PARP8: variants seen among roughly 807,000 people sequenced by gnomAD.
The protein encoded by PARP8 is protein mono-ADP-ribosyltransferase PARP8.
In PARP8, 51 loss-of-function variants were observed where a neutral mutation model predicts 124.1. The observed-to-expected ratio is 0.41, with a 90% CI of 0.33 to 0.52. The LOEUF (loss-of-function observed/expected upper bound fraction) is 0.52. PARP8 is among the 20% of genes least tolerant of loss of function. The pLI, the probability that PARP8 is intolerant of heterozygous loss-of-function variation, is 0.21. For synonymous variants in PARP8, 391 were observed against 361.5 expected, an observed-to-expected ratio of 1.08 and a Z score of -0.93; for missense variants, 860 against 1,018.9, an observed-to-expected ratio of 0.84 and a Z score of 2.12.
chr5:50,756,463 A>G (rs1239947408), intron 3 of PARP8, among the ~76,000 whole-genome samples: 4 of 152,144 alleles, frequency 2.6e-5, no homozygotes, highest in African/African-American at 7.2e-5. Context: ...AGGAAGATTT[A>G]GAAGTAATTA....
intron 3 of PARP8, among the ~76,000 whole-genome samples, chr5:50,758,081 A>C (rs182419326): frequency 6.6e-6 from 1 of 152,158 alleles, no homozygotes; most frequent in Non-Finnish European, 1.5e-5. Context: ...ATAAAAAAAC[A>C]TTGACTCTAA....
intron 10 of PARP8, among the ~76,000 whole-genome samples, chr5:50,791,868 C>G (rs180997407): frequency 6.6e-6 from 1 of 151,994 alleles, no homozygotes; most frequent in Admixed American, 6.6e-5. Context: ...CTTAAAAGTG[C>G]GAATCAAAAT....
intron 10 of PARP8, among the ~76,000 whole-genome samples, chr5:50,792,479 G>GT (rs35302971): frequency 0.17 from 24,651 of 147,150 alleles, 2,337 homozygotes; most frequent in East Asian, 0.31. Flanking sequence ...ATTTTGACCT[G>GT]TTTTTTTTTT....
At chr5:50,751,398 A>G (rs941088354) in intron 3 of PARP8, among the ~76,000 whole-genome samples, 1 of 152,182 alleles carries the variant, frequency 6.6e-6, no homozygotes, top group Non-Finnish European at 1.5e-5. Flanking sequence ...TGAATTTTCA[A>G]TATAACTTAA....
Position 50,797,697 on chromosome 5 carries a change from A to G in PARP8, c.1575+464A>G, listed in dbSNP as rs1297639454. On this transcript the variant is annotated intron_variant, in intron 14 of 25. Transcript: ENST00000281631. ...CCCAATAAAGATTTCCAAAGATGCT[A>G]GCATCCTGACACATTTGGGATATTA... Among the ~76,000 whole-genome samples the G allele has an allele frequency of 5.9e-5, 9 of 152,340 alleles. No homozygotes were observed. The South Asian group carries it at 6.2e-4, about 11-fold the overall frequency.
Position 50,795,124 on chromosome 5 carries a change from C to T in PARP8, c.1135C>T (p.Leu379=), listed in dbSNP as rs568432561. ...AAVKSEECLT[L]KSHRLLTRSC... ...TGTTAAGTCAGAGGAATGCCTAACT[C>T]TAAAGTCGCATAGACTATTGACTCG... The change falls in exon 12 of 26, where the codon CTA becomes TTA. Residue 379 remains leucine, a synonymous_variant. Coordinates refer to ENST00000281631, the MANE Select transcript of PARP8 (RefSeq NM_024615.4). 1 of 1,614,168 alleles carries T rather than the reference C, an allele frequency of 6.2e-7. No individual in the cohort carries two copies. Among genetic ancestry groups the T allele is most frequent in the African/African-American group, 1.3e-5 (1 of 75,028 alleles).
intron 9 of PARP8, among the ~76,000 whole-genome samples, chr5:50,783,182 G>A (rs1740865941): frequency 6.6e-6 from 1 of 151,980 alleles, no homozygotes; most frequent in African/African-American, 2.4e-5. Flanking sequence ...GGAAAAGAGA[G>A]AAGAGGGAAG....
chr5:50,666,002 G>C (rs1272299228), upstream of PARP8: 1 of 152,240 alleles, frequency 6.6e-6, no homozygotes, highest in African/African-American at 2.4e-5. Context: ...CTTTTAGGAA[G>C]ACCCTGGAAC....
intron 9 of PARP8, among the ~76,000 whole-genome samples, chr5:50,783,982 A>T (rs888355947): frequency 2.6e-5 from 4 of 152,232 alleles, no homozygotes; most frequent in African/African-American, 9.6e-5. Flanking sequence ...GATATTTACA[A>T]AAAGTTGATA....
intron 7 of PARP8, among the ~76,000 whole-genome samples, chr5:50,775,342 G>A (rs548542190): frequency 8.5e-5 from 13 of 152,318 alleles, no homozygotes; most frequent in Non-Finnish European, 1.5e-4. Flanking sequence ...ATCACTCGAG[G>A]TCAGGAGCTG....
At chr5:50,821,893 T>C (rs556347985) in intron 16 of PARP8, among the ~76,000 whole-genome samples, 1 of 152,350 alleles carries the variant, frequency 6.6e-6, no homozygotes, top group East Asian at 1.9e-4. Flanking sequence ...TTGTCAGCTA[T>C]GTGACTGTAT....
intron 21 of PARP8, 115 bp from the exon 22 acceptor site, chr5:50,829,777 C>T: frequency 3.0e-6 from 3 of 996,684 alleles, no homozygotes; most frequent in East Asian, 5.4e-5. Context: ...GGAATAGAAG[C>T]TCTGTCATTT....
chr5:50,730,726 G>A (rs1191796808), intron 2 of PARP8, among the ~76,000 whole-genome samples: 1 of 152,142 alleles, frequency 6.6e-6, no homozygotes, highest in East Asian at 1.9e-4. Flanking sequence ...TTGAAAACCA[G>A]AGATTATTGA....
intron 10 of PARP8, among the ~76,000 whole-genome samples, chr5:50,791,759 G>T (rs1343732263): frequency 6.6e-6 from 1 of 152,092 alleles, no homozygotes. Context: ...AAATATTGCA[G>T]ATCTTCAGTT....
intron 15 of PARP8, among the ~76,000 whole-genome samples, chr5:50,818,677 C>G (rs115662781): frequency 0.014 from 2,194 of 151,516 alleles, 65 homozygotes; most frequent in African/African-American, 0.05. Context: ...CCACACCCAG[C>G]CTTTTATTTT....
intron 15 of PARP8, among the ~76,000 whole-genome samples, chr5:50,816,866 T>C (rs1018582502): frequency 6.6e-6 from 1 of 152,108 alleles, no homozygotes; most frequent in African/African-American, 2.4e-5. Flanking sequence ...AAAGTTTTTC[T>C]TGTCCCTTGG....
chr5:50,794,505 G>A lies in PARP8; in HGVS notation c.863+173G>A, dbSNP rs1742305376. 2.6e-5 allele frequency among the ~76,000 whole-genome samples: 4 copies of A among 152,176 alleles called. No homozygotes were observed. The South Asian group carries it at 8.3e-4, about 32-fold the overall frequency. ...AAACATATTCATTTCTATGTTTAGA[G>A]TTTTTATTAATATTTATTTAACATT... On this transcript the variant is annotated intron_variant, in intron 11 of 25. Transcript: ENST00000281631.
chr5:50,842,059 T>C lies in PARP8; in HGVS notation c.2556T>C (p.Ala852=), dbSNP rs1275427992. 1.9e-6 allele frequency: 3 copies of C among 1,596,982 alleles called. No homozygotes were observed. The highest frequency in any genetic ancestry group is 1.7e-6 in the Non-Finnish European group (2 of 1,168,482). The change falls in exon 26 of 26, where the codon GCT becomes GCC. Residue 852 remains alanine, a synonymous_variant. Transcript: ENST00000281631. ...TCCGAGTAATTGGTAATCAAACTGC[T>C]ACTGGTTAAAGGACCACCATTTAAT... The part of the protein sequence containing the change: ...EILRVIGNQT[A]TG
chr5:50,702,039 C>G (rs1277969076), intron 2 of PARP8, among the ~76,000 whole-genome samples: 1 of 152,042 alleles, frequency 6.6e-6, no homozygotes, highest in African/African-American at 2.4e-5. Flanking sequence ...AATAAAATGA[C>G]ATGAAGTTTT....
Sources: gnomAD v4.1 joint callset for allele counts (sites outside exome capture counted in the v4.1 genomes callset) on GRCh38, gnomAD v4.1.1 for gene constraint, MANE v1.5 for transcripts, NCBI Gene and HGNC (gene_info 2026-07-23, HGNC 2026-07-21) for gene names.